Variants in KMO observed in about 807,000 individuals in gnomAD.
KMO encodes the protein kynurenine 3-monooxygenase.
In KMO, 24 loss-of-function variants were observed where a neutral mutation model predicts 57.8. The ratio of observed to expected loss-of-function variants is 0.42; its 90% CI spans 0.30 to 0.58. KMO has a LOEUF of 0.58. Among genes scored for constraint, KMO ranks in the 20% least tolerant of loss-of-function variants. KMO has a pLI of 0.22. For missense variants in KMO, 483 were observed against 588.2 expected (o/e 0.82, Z 1.85); for synonymous variants, 210 against 193.6 (o/e 1.08, Z -0.70).
intron 7 of KMO, among the ~76,000 whole-genome samples, chr1:241,562,649 G>A (rs1407475688): frequency 6.6e-6 from 1 of 152,044 alleles, no homozygotes; most frequent in Non-Finnish European, 1.5e-5. Flanking sequence ...AGACCAACCT[G>A]GGCCACATAG....
At position 241,593,485 on chromosome 1, in the gene KMO, G is replaced by A; in HGVS notation, c.*1332G>A. The A allele has an allele frequency of 3.1e-6, 1 of 318,820 alleles. No homozygotes were observed. Among genetic ancestry groups the A allele is most frequent in the Non-Finnish European group, 7.3e-6 (1 of 136,910 alleles). The allele number at this position is 318,820 out of a possible 1,614,324, so 19.7% of individuals were successfully genotyped here. A position where few individuals can be genotyped will look rare whatever the true frequency, so the allele number is the denominator to read the frequency against. Reference sequence around the variant, plus strand: ...TGATTCAGTGTTTCTTTTCTATATTGTCAATGAAAACCTTGAGTTCTAATA... The same window carrying A: ...TGATTCAGTGTTTCTTTTCTATATTATCAATGAAAACCTTGAGTTCTAATA... On this transcript the variant is annotated 3_prime_UTR_variant, in exon 15 of 15. Transcript: ENST00000366559.
rs114869821 is a variant in KMO, at chr1:241,569,679, G to A, written c.957+1032G>A. Among the ~76,000 whole-genome samples, 537 of 152,184 alleles carry A rather than the reference G, an allele frequency of 3.5e-3. 3 individuals are homozygous for A. Among genetic ancestry groups the A allele is most frequent in the African/African-American group, 0.012 (516 of 41,568 alleles). On this transcript the variant is annotated intron_variant, in intron 10 of 14. Transcript: ENST00000366559. ...TTTCTTTTTGCATATTTACCCAGCA[G>A]TGGGATTGCTGCCATATATGGCAGT...
intron 6 of KMO, among the ~76,000 whole-genome samples, 162 bp downstream of exon 6, chr1:241,560,914 C>G (rs1202759800): frequency 2.0e-5 from 3 of 152,184 alleles, no homozygotes; most frequent in Non-Finnish European, 4.4e-5. Context: ...CAAATAGGCC[C>G]TGATGGCCAT....
At chr1:241,558,616 C>G (rs905685979) in intron 5 of KMO, among the ~76,000 whole-genome samples, 4 of 152,218 alleles carry the variant, frequency 2.6e-5, no homozygotes, top group Middle Eastern at 3.4e-3. Context: ...GTCTGACAAA[C>G]CTTGCATCAA....
chr1:241,538,537 T>C (rs1351277279), intron 1 of KMO, among the ~76,000 whole-genome samples: 3 of 152,246 alleles, frequency 2.0e-5, no homozygotes, highest in Non-Finnish European at 2.9e-5. Context: ...ACATGACTTT[T>C]AGCTATATGG....
At chr1:241,536,799 T>C (rs1660769849) in intron 1 of KMO, among the ~76,000 whole-genome samples, 1 of 152,192 alleles carries the variant, frequency 6.6e-6, no homozygotes, top group African/African-American at 2.4e-5. Flanking sequence ...GATTTGTACG[T>C]ATTTTGACTT....
Position 241,566,681 on chromosome 1 carries a change from C to T in KMO, c.809+69C>T, listed in dbSNP as rs1045707494. ...TCCAAATTCAAATAAAGGTTATGCA[C>T]CTGATTTCAGTTTGGGTTAAACACG... On this transcript the variant is annotated intron_variant, in intron 9 of 14. Coordinates refer to ENST00000366559, the MANE Select transcript of KMO (RefSeq NM_003679.5). 6.4e-6 allele frequency: 10 copies of T among 1,552,336 alleles called. No homozygotes were observed. In the Admixed American group the frequency reaches 1.0e-4, roughly 16 times the overall value.
At chr1:241,535,638 G>A (rs539202601) in intron 1 of KMO, among the ~76,000 whole-genome samples, 2 of 152,206 alleles carry the variant, frequency 1.3e-5, no homozygotes, top group Admixed American at 6.5e-5. Context: ...CATAAACCAG[G>A]TAAAGTTTAA....
At position 241,590,213 on chromosome 1, in the gene KMO, T is replaced by C; in HGVS notation, c.1210T>C (p.Ser404Pro). The C allele has an allele frequency of 6.2e-7, 1 of 1,613,110 alleles. No homozygotes were observed. Among genetic ancestry groups the C allele is most frequent in the Non-Finnish European group, 8.5e-7 (1 of 1,179,526 alleles). ...TTAAACTTCCCTGCAGGTCACTTTT[T>C]CCAGAATAAGATACCATGAGGCTGT... ...FIPLYTMVTF[S>P]RIRYHEAVQR... The change falls in exon 14 of 15, where the codon TCC (serine) becomes CCC (proline). Residue 404 changes from serine (S) to proline (P), a missense_variant. Physicochemically the swap from Ser to Pro is moderately conservative, Grantham distance 74. Around this residue, in one of 3 missense-constraint regions of KMO, gnomAD observed 410 missense variants for 492.3 expected, o/e 0.83. Transcript: ENST00000366559.
At chr1:241,547,998 CA>C (rs936260748) in intron 1 of KMO, among the ~76,000 whole-genome samples, 4 of 148,640 alleles carry the variant, frequency 2.7e-5, no homozygotes, top group African/African-American at 9.9e-5. Context: ...CATATAGAAA[CA>C]AAAAAAAAGA....
chr1:241,579,028 G>C (rs1247158228), intron 10 of KMO, among the ~76,000 whole-genome samples: 1 of 152,038 alleles, frequency 6.6e-6, no homozygotes, highest in Admixed American at 6.6e-5. Context: ...GTCCCACCAG[G>C]TCCCTCCCAC....
At chr1:241,538,885 T>C (rs995438511) in intron 1 of KMO, among the ~76,000 whole-genome samples, 1 of 152,144 alleles carries the variant, frequency 6.6e-6, no homozygotes, top group African/African-American at 2.4e-5. Flanking sequence ...AGTGTGTCTT[T>C]CATTCCTTCT....
At chr1:241,577,734 G>A (rs1662576841) in intron 10 of KMO, among the ~76,000 whole-genome samples, 1 of 152,160 alleles carries the variant, frequency 6.6e-6, no homozygotes, top group Non-Finnish European at 1.5e-5. Context: ...TTTCAGGCCA[G>A]TAGAGAAGGT....
Position 241,555,648 on chromosome 1 carries a change from G to T in KMO, c.349G>T (p.Asp117Tyr). 3 of 1,568,498 alleles carry T rather than the reference G, an allele frequency of 1.9e-6. No individual in the cohort carries two copies. The highest frequency in any genetic ancestry group is 4.5e-5 in the East Asian group (2 of 44,594). ...LSVSRENLNK[D>Y]LLTAAEKYPN... ...TGTAAGCAGAGAAAATCTAAACAAG[G>T]ATCTATTGACTGGTAAGTCTAATGT... The change falls in exon 5 of 15, where the codon GAT (aspartate) becomes TAT (tyrosine). Residue 117 changes from aspartate to tyrosine, a missense_variant. Physicochemically the swap from Asp to Tyr is radical, Grantham distance 160. Coordinates refer to ENST00000366559, the MANE Select transcript of KMO (RefSeq NM_003679.5).
chr1:241,551,795 T>C (rs1201882645), intron 4 of KMO, among the ~76,000 whole-genome samples: 1 of 152,176 alleles, frequency 6.6e-6, no homozygotes, highest in African/African-American at 2.4e-5. Context: ...TCTAAGTCTC[T>C]GACCCTCAGC....
At chr1:241,566,056 A>C (rs1662064112) in intron 8 of KMO, among the ~76,000 whole-genome samples, 2 of 152,068 alleles carry the variant, frequency 1.3e-5, no homozygotes, top group African/African-American at 4.8e-5. Context: ...AATACAAAAA[A>C]TTAGCCGGGT....
At chr1:241,569,157 C>T (rs1409647604) in intron 10 of KMO, among the ~76,000 whole-genome samples, 2 of 151,982 alleles carry the variant, frequency 1.3e-5, no homozygotes, top group African/African-American at 4.8e-5. Flanking sequence ...TTTATCATTT[C>T]TTTGTATTAG....
At chr1:241,585,389 A>G (rs1662934213) in intron 10 of KMO, among the ~76,000 whole-genome samples, 1 of 152,178 alleles carries the variant, frequency 6.6e-6, no homozygotes, top group African/African-American at 2.4e-5. Context: ...TTGAGACTAT[A>G]TAATTGATTT....
chr1:241,567,964 C>T (rs2147966816), intron 9 of KMO, among the ~76,000 whole-genome samples: 1 of 152,198 alleles, frequency 6.6e-6, no homozygotes, highest in Non-Finnish European at 1.5e-5. Flanking sequence ...TTATAAGCAC[C>T]ATGTTGTACA....
Sources: gnomAD v4.1 joint callset for allele counts (sites outside exome capture counted in the v4.1 genomes callset) on GRCh38, gnomAD v4.1.1 for gene constraint, gnomAD v4.1.1 regional missense constraint, MANE v1.5 for transcripts, NCBI Gene and HGNC (gene_info 2026-07-23, HGNC 2026-07-21) for gene names.